ADAMTS12: variants seen among roughly 807,000 people sequenced by gnomAD.
ADAMTS12 encodes ADAM metallopeptidase with thrombospondin type 1 motif 12, also known as A disintegrin and metalloproteinase with thrombospondin motifs 12.
A neutral mutation model predicts 167.8 loss-of-function variants in ADAMTS12; 118 were observed. That is an observed-to-expected ratio of 0.70 (90% CI 0.61 to 0.82). The LOEUF is 0.82. ADAMTS12 is among the 40% of genes least tolerant of loss of function. The probability of loss-of-function intolerance (pLI) is 0.00; values close to 1 mark genes in which losing one functional copy is unlikely to be tolerated. For missense variants in ADAMTS12, 1,916 were observed against 1,998.8 expected (o/e 0.96, Z 0.79); for synonymous variants, 704 against 716.9 (o/e 0.98, Z 0.29).
intron 7 of ADAMTS12, among the ~76,000 whole-genome samples, chr5:33,655,620 GTTTTATTTA>G (rs1561197389): frequency 4.6e-5 from 6 of 131,672 alleles, no homozygotes; most frequent in South Asian, 2.7e-4. Flanking sequence ...TTTTTTTTTA[GTTTTATTTA>G]TTTAATTTAA....
intron 7 of ADAMTS12, among the ~76,000 whole-genome samples, chr5:33,657,751 G>A (rs1018261600): frequency 3.9e-5 from 6 of 152,176 alleles, no homozygotes; most frequent in Non-Finnish European, 7.4e-5. Context: ...AGGTTGTTAA[G>A]CAGATTCAAT....
At chr5:33,814,201 A>G (rs1187512577) in intron 2 of ADAMTS12, among the ~76,000 whole-genome samples, 3 of 152,148 alleles carry the variant, frequency 2.0e-5, no homozygotes, top group African/African-American at 7.2e-5. Flanking sequence ...CCTGTATTAC[A>G]TTCTAGAAAT....
At chr5:33,594,510 A>G (rs1016422317) in intron 17 of ADAMTS12, among the ~76,000 whole-genome samples, 1 of 152,202 alleles carries the variant, frequency 6.6e-6, no homozygotes, top group African/African-American at 2.4e-5. Context: ...TCTGTGGAGT[A>G]GTAGGCAATG....
At chr5:33,645,762 T>C (rs1201521862) in intron 9 of ADAMTS12, among the ~76,000 whole-genome samples, 1 of 152,306 alleles carries the variant, frequency 6.6e-6, no homozygotes, top group East Asian at 1.9e-4. Flanking sequence ...TTTAGGGTGT[T>C]GTTAACACGG....
intron 2 of ADAMTS12, among the ~76,000 whole-genome samples, chr5:33,872,127 T>C (rs1750059479): frequency 6.6e-6 from 1 of 152,172 alleles, no homozygotes; most frequent in Non-Finnish European, 1.5e-5. Context: ...CTCTACCAAA[T>C]ATTTAAAGAA....
At chr5:33,837,288 A>C (rs559899302) in intron 2 of ADAMTS12, among the ~76,000 whole-genome samples, 2 of 152,350 alleles carry the variant, frequency 1.3e-5, no homozygotes, top group South Asian at 2.1e-4. Flanking sequence ...TTATGCACCA[A>C]CATAATACTT....
chr5:33,615,826 A>C lies in ADAMTS12; in HGVS notation c.2388+2T>G, dbSNP rs771471987. On this transcript the variant is annotated splice_donor_variant, in intron 15 of 23. Transcript: ENST00000504830. LOFTEE classifies it high-confidence loss of function. ...CAGCAGTTTCCCTCCTTTCTGCATT[A>C]CCTGGATCCACACAGACTCATTGGT... 2 of 1,614,090 alleles carry C rather than the reference A, an allele frequency of 1.2e-6. No homozygotes were observed. The highest frequency in any genetic ancestry group is 4.5e-5 in the East Asian group (2 of 44,880).
At chr5:33,868,813 G>C (rs1344473934) in intron 2 of ADAMTS12, among the ~76,000 whole-genome samples, 1 of 152,206 alleles carries the variant, frequency 6.6e-6, no homozygotes, top group Non-Finnish European at 1.5e-5. Context: ...TATCATTAGT[G>C]TCAGTGTATT....
intron 2 of ADAMTS12, among the ~76,000 whole-genome samples, chr5:33,755,927 G>A (rs1190473380): frequency 2.6e-5 from 4 of 152,154 alleles, no homozygotes; most frequent in Non-Finnish European, 5.9e-5. Flanking sequence ...AATAGTATAC[G>A]AAGCACTGGA....
Position 33,531,448 on chromosome 5 carries a change from G to A in ADAMTS12, c.4606+3385C>T, listed in dbSNP as rs376288678. Among the ~76,000 whole-genome samples the A allele has an allele frequency of 8.5e-5, 13 of 152,232 alleles. No individual in the cohort carries two copies. In the South Asian group the frequency reaches 1.2e-3, roughly 15 times the overall value. On this transcript the variant is annotated intron_variant, in intron 23 of 23. Coordinates refer to ENST00000504830, the MANE Select transcript of ADAMTS12 (RefSeq NM_030955.4). The stretch of plus-strand genomic sequence containing the variant: ...ATATATACTATACCATTTGATTGTC[G>A]CAGAAATCAATAGATGTGGGTGCAT...
rs191777668 is a variant in ADAMTS12 at position 33,738,804 on chromosome 5, A to C, written c.634+12600T>G. Reference sequence around the variant, plus strand: ...AGAGCCAAGGCCAGTGTTCTGGAGGAGCTGGCACGAAGGCTGGTTTCCCGT... The same window carrying C: ...AGAGCCAAGGCCAGTGTTCTGGAGGCGCTGGCACGAAGGCTGGTTTCCCGT... On this transcript the variant is annotated intron_variant, in intron 3 of 23. Coordinates refer to ENST00000504830, the MANE Select transcript of ADAMTS12 (RefSeq NM_030955.4). Among the ~76,000 whole-genome samples, 773 of 152,318 alleles carry C rather than the reference A, an allele frequency of 5.1e-3. 8 individuals are homozygous for C. Among genetic ancestry groups the C allele is most frequent in the African/African-American group, 0.018 (753 of 41,566 alleles).
chr5:33,718,863 C>T (rs550086525), intron 3 of ADAMTS12, among the ~76,000 whole-genome samples: 1 of 152,252 alleles, frequency 6.6e-6, no homozygotes, highest in Admixed American at 6.5e-5. Flanking sequence ...TGCCTAGGTA[C>T]TTGGTTTATG....
At chr5:33,753,732 G>A (rs1745078380) in intron 2 of ADAMTS12, among the ~76,000 whole-genome samples, 1 of 152,172 alleles carries the variant, frequency 6.6e-6, no homozygotes, top group Non-Finnish European at 1.5e-5. Flanking sequence ...CGGGCAACAT[G>A]AATAAGAAAG....
At chr5:33,563,691 T>C (rs1286127783) in intron 19 of ADAMTS12, among the ~76,000 whole-genome samples, 2 of 152,222 alleles carry the variant, frequency 1.3e-5, no homozygotes, top group Non-Finnish European at 2.9e-5. Context: ...GACTGAATGA[T>C]GAGGCAAGTC....
At chr5:33,863,764 A>T (rs1749711442) in intron 2 of ADAMTS12, among the ~76,000 whole-genome samples, 2 of 152,244 alleles carry the variant, frequency 1.3e-5, no homozygotes, top group African/African-American at 4.8e-5. Flanking sequence ...TTAATCAAAA[A>T]GAACAAAGCT....
At chr5:33,850,094 T>C (rs984790446) in intron 2 of ADAMTS12, among the ~76,000 whole-genome samples, 1 of 152,144 alleles carries the variant, frequency 6.6e-6, no homozygotes, top group Non-Finnish European at 1.5e-5. Context: ...AGATTTTCAC[T>C]CTCAATAGAT....
chr5:33,694,611 A>AG (rs142936134), intron 3 of ADAMTS12, among the ~76,000 whole-genome samples: 1,967 of 152,110 alleles, frequency 0.013, 42 homozygotes, highest in African/African-American at 0.046. Flanking sequence ...GAACGCAGAG[A>AG]GCCACATGAA....
chr5:33,826,355 TA>T (rs201368299), intron 2 of ADAMTS12, among the ~76,000 whole-genome samples: 4,430 of 151,512 alleles, frequency 0.029, 164 homozygotes, highest in African/African-American at 0.089. Context: ...ACTCACCCAT[TA>T]AAAAAAATGT....
intron 7 of ADAMTS12, among the ~76,000 whole-genome samples, chr5:33,655,086 A>T (rs1449618701): frequency 6.6e-6 from 1 of 152,000 alleles, no homozygotes; most frequent in South Asian, 2.1e-4. Flanking sequence ...AGTGTTTTTC[A>T]TCATACTTAG....
Sources: allele counts gnomAD v4.1 joint callset (sites outside exome capture counted in the v4.1 genomes callset), GRCh38; gene constraint gnomAD v4.1.1; transcripts MANE v1.5; gene names NCBI Gene and HGNC (gene_info 2026-07-23, HGNC 2026-07-21).